RPL18: variants seen among roughly 807,000 people sequenced by gnomAD.
RPL18 encodes the protein ribosomal protein L18.
Under a neutral mutation model 25.0 loss-of-function variants are expected in RPL18, and 4 were observed. The observed-to-expected ratio is 0.16, with a 90% CI of 0.08 to 0.37. RPL18 has a LOEUF of 0.37. RPL18 is among the 10% of genes least tolerant of loss of function. RPL18 has a pLI of 1.00. For synonymous variants in RPL18, 129 were observed against 101.6 expected (o/e 1.27, Z -1.62); for missense variants, 179 against 267.9 (o/e 0.67, Z 2.32).
Position 48,617,378 on chromosome 19 carries a change from C to G in RPL18, c.136G>C (p.Val46Leu). Residue 46 changes from valine to leucine, a missense_variant, in exon 3 of 7, where the codon GTT (valine) becomes CTT (leucine). Physicochemically the swap from Val to Leu is conservative, Grantham distance 32. Coordinates refer to ENST00000549920, the MANE Select transcript of RPL18 (RefSeq NM_000979.4). ...CTCATAAACAACCTCTTCAACACAA[C>G]CTGGTTGAATGTGGAGTTGGTTCTT... ...ARRTNSTFNQ[V>L]VLKRLFMSRT... The G allele has an allele frequency of 6.2e-7, 1 of 1,614,168 alleles. No individual in the cohort carries two copies.
intron 1 of RPL18, chr19:48,618,832 G>A (rs926870806): frequency 3.3e-5 from 16 of 481,348 alleles, no homozygotes; most frequent in African/African-American, 1.4e-4. Context: ...AGGCAGCAAA[G>A]CCAAATAACT....
At chr19:48,616,025 G>A (rs1160159115) in intron 5 of RPL18, 54 bp downstream of exon 5, 2 of 1,613,788 alleles carry the variant, frequency 1.2e-6, no homozygotes. Context: ...GGAGGGTGAA[G>A]GCTGCCAGTA....
intron 3 of RPL18, 114 bp from the exon 4 acceptor site, chr19:48,616,938 C>T: frequency 1.3e-6 from 1 of 781,814 alleles, no homozygotes; most frequent in Non-Finnish European, 2.3e-6. Context: ...CCCACTCACA[C>T]CACACCCCTT....
chr19:48,618,196 G>A (rs1182092497), intron 1 of RPL18: 4 of 228,442 alleles, frequency 1.8e-5, no homozygotes, highest in East Asian at 1.2e-4. Flanking sequence ...ATACCCGGAG[G>A]GATAACCAAA....
At chr19:48,617,600 C>T (rs1568425404) in intron 2 of RPL18, 177 bp from the exon 3 acceptor site, 10 of 682,470 alleles carry the variant, frequency 1.5e-5, no homozygotes, top group South Asian at 3.7e-5. Flanking sequence ...CCTAGAAAAT[C>T]CTGGCTCCAC....
intron 1 of RPL18, 72 bp downstream of exon 1, chr19:48,619,069 C>A: frequency 4.5e-6 from 7 of 1,539,288 alleles, no homozygotes; most frequent in South Asian, 1.2e-5. Context: ...CGCCCTCCAG[C>A]GTGCCCCTAG....
At chr19:48,617,478 T>C (rs1974209608) in intron 2 of RPL18, 55 bp from the exon 3 acceptor site, 1 of 1,295,156 alleles carries the variant, frequency 7.7e-7, no homozygotes, top group Non-Finnish European at 1.1e-6. Context: ...CCCGCAGCCT[T>C]CCAGTGAAGG....
chr19:48,618,967 G>A (rs1036947517), intron 1 of RPL18, 174 bp downstream of exon 1: 6 of 654,948 alleles, frequency 9.2e-6, no homozygotes, highest in African/African-American at 5.4e-5. Flanking sequence ...GGGGGCGGTA[G>A]GCTATGACTG....
At position 48,616,830 on chromosome 19, in the gene RPL18, G is replaced by A. The variant is rs566380881; in HGVS notation, c.199-6C>T. ...GGAAGCTTCATCTTCCGGATCTTAGGGTGGGGAGGATGTACGTCGTAAGTT... is the reference window on the plus strand; with the variant it reads ...GGAAGCTTCATCTTCCGGATCTTAGAGTGGGGAGGATGTACGTCGTAAGTT... On this transcript the variant is annotated splice_polypyrimidine_tract_variant and splice_region_variant and intron_variant, in intron 3 of 6. Coordinates refer to ENST00000549920, the MANE Select transcript of RPL18 (RefSeq NM_000979.4). 1,773 of 1,606,932 alleles carry A rather than the reference G, an allele frequency of 1.1e-3. 40 individuals carry two copies. In the South Asian group the frequency reaches 0.019, roughly 17 times the overall value.
Position 48,615,600 on chromosome 19 carries a change from G to A in RPL18, c.492-153C>T, listed in dbSNP as rs1266582414. The A allele has an allele frequency of 8.5e-6, 6 of 706,186 alleles. No homozygotes were observed. In the South Asian group the frequency reaches 8.8e-5, roughly 10 times the overall value. The allele number at this position is 706,186 out of a possible 1,614,324, so 43.7% of individuals were successfully genotyped here. On this transcript the variant is annotated intron_variant, in intron 6 of 6. Transcript: ENST00000549920. ...AGTGGGAAGCCAAGGAGCCAGGAGGGGCTATGGAAGCACCTGCCCCACCAC... is the reference window on the plus strand; with the variant it reads ...AGTGGGAAGCCAAGGAGCCAGGAGGAGCTATGGAAGCACCTGCCCCACCAC...
At chr19:48,616,417 A>G (rs1974173051) in intron 4 of RPL18, 1 of 657,960 alleles carries the variant, frequency 1.5e-6, no homozygotes, top group Non-Finnish European at 2.6e-6. Context: ...ACAGCAAGGA[A>G]GCTGGGCCAA....
Position 48,615,406 on chromosome 19 carries a change from C to G in RPL18, c.533G>C (p.Arg178Thr), listed in dbSNP as rs1249166191. 1.2e-6 allele frequency: 2 copies of G among 1,613,270 alleles called. No homozygotes were observed. Among genetic ancestry groups the G allele is most frequent in the Non-Finnish European group, 1.7e-6 (2 of 1,179,614 alleles). The change falls in exon 7 of 7, where the codon AGA becomes ACA. Residue 178 changes from arginine to threonine, a missense_variant. Arg to Thr is a moderately conservative substitution (Grantham distance 71). Transcript: ENST00000549920. Reference protein sequence around the residue: ...RSKGRKFERARGRRASRGYKN With the variant: ...RSKGRKFERATGRRASRGYKN Reference sequence around the variant, plus strand: ...GTAGCCTCGGCTGGCCCGTCGGCCTCTGGCACGCTCGAACTTCCGGCCCTT... The same window carrying G: ...GTAGCCTCGGCTGGCCCGTCGGCCTGTGGCACGCTCGAACTTCCGGCCCTT...
chr19:48,619,081 C>A lies in RPL18; in HGVS notation c.3+60G>T, dbSNP rs1974291693. Reference sequence around the variant, plus strand: ...TGCCGCCCTCCAGCGTGCCCCTAGCCCAAAACCACGGCGGATGGCAGCGGA... The same window carrying A: ...TGCCGCCCTCCAGCGTGCCCCTAGCACAAAACCACGGCGGATGGCAGCGGA... On this transcript the variant is annotated intron_variant, in intron 1 of 6. Coordinates refer to ENST00000549920, the MANE Select transcript of RPL18 (RefSeq NM_000979.4). 8.2e-6 allele frequency: 13 copies of A among 1,578,596 alleles called. No individual in the cohort carries two copies. The South Asian group carries it at 9.3e-5, about 11-fold the overall frequency.
At chr19:48,616,376 C>T in intron 4 of RPL18, 174 bp from the exon 5 acceptor site, 1 of 721,318 alleles carries the variant, frequency 1.4e-6, no homozygotes, top group East Asian at 2.7e-5. Context: ...GGAACTTTCA[C>T]CACCACATCC....
intron 3 of RPL18, 167 bp from the exon 4 acceptor site, chr19:48,616,991 C>T (rs770155224): frequency 4.3e-5 from 30 of 702,732 alleles, no homozygotes; most frequent in African/African-American, 1.1e-4. Flanking sequence ...GGGAAAGCTC[C>T]AGATAAAAAA....
intron 6 of RPL18, 54 bp from the exon 7 acceptor site, chr19:48,615,501 G>C (rs1169707709): frequency 3.8e-6 from 5 of 1,320,636 alleles, no homozygotes; most frequent in Non-Finnish European, 5.4e-6. Context: ...GGCCATTGTG[G>C]AGTGGCACAG....
At chr19:48,616,916 C>CT (rs1213151952) in intron 3 of RPL18, 92 bp from the exon 4 acceptor site, 11 of 911,852 alleles carry the variant, frequency 1.2e-5, no homozygotes, top group Non-Finnish European at 1.8e-5. Context: ...GCTGTGCCCT[C>CT]TAACGGGACC....
chr19:48,615,417 G>A lies in RPL18; in HGVS notation c.522C>T (p.Phe174=), dbSNP rs755784683. The A allele has an allele frequency of 4.6e-5, 75 of 1,613,016 alleles. No individual in the cohort carries two copies. In the Admixed American group the frequency reaches 7.5e-4, roughly 16 times the overall value. Residue 174 remains phenylalanine, a synonymous_variant, in exon 7 of 7, where the codon TTC becomes TTT. Transcript: ENST00000549920. The part of the protein sequence containing the change: ...KPYVRSKGRK[F]ERARGRRASR... ...TGGCCCGTCGGCCTCTGGCACGCTC[G>A]AACTTCCGGCCCTTGGAGCGGACGT...
chr19:48,616,536 A>C (rs1974175920), intron 4 of RPL18, 190 bp downstream of exon 4: 2 of 707,154 alleles, frequency 2.8e-6, no homozygotes, highest in Admixed American at 2.0e-5. Context: ...AAGCTTGCCC[A>C]GGGGACCCCA....
Sources: allele counts gnomAD v4.1 joint callset, GRCh38; gene constraint gnomAD v4.1.1; transcripts MANE v1.5; gene names NCBI Gene and HGNC (gene_info 2026-07-23, HGNC 2026-07-21).